PRKG1: variants seen among roughly 807,000 people sequenced by gnomAD.
PRKG1 encodes the protein cGMP-dependent protein kinase 1.
PRKG1 carries 35 observed loss-of-function variants against 88.1 expected under a neutral mutation model. That is an observed-to-expected ratio of 0.40 (90% CI 0.30 to 0.53). PRKG1 has a LOEUF of 0.53. Ranked by LOEUF, PRKG1 falls within the 20% of genes least tolerant of loss-of-function variation. The probability of loss-of-function intolerance (pLI) is 0.59; values close to 1 mark genes in which losing one functional copy is unlikely to be tolerated. For missense variants in PRKG1, 540 were observed against 839.8 expected (o/e 0.64, Z 4.41); for synonymous variants, 303 against 292.5 (o/e 1.04, Z -0.37).
intron 4 of PRKG1, among the ~76,000 whole-genome samples, chr10:51,818,290 A>G (rs1839645481): frequency 6.6e-6 from 1 of 152,190 alleles, no homozygotes; most frequent in Non-Finnish European, 1.5e-5. Context: ...ATAACAGTTC[A>G]TCCAGAGAGT....
intron 1 of PRKG1, among the ~76,000 whole-genome samples, chr10:51,069,390 T>A (rs1003982903): frequency 2.0e-5 from 3 of 152,038 alleles, no homozygotes; most frequent in Admixed American, 6.6e-5. Context: ...ATAAAACTAG[T>A]TCTATAGGAA....
At chr10:51,009,778 C>A (rs1842972937) in intron 1 of PRKG1, among the ~76,000 whole-genome samples, 5 of 152,134 alleles carry the variant, frequency 3.3e-5, no homozygotes. Context: ...TTTTGGACTT[C>A]TTGAAGATAT....
chr10:52,180,904 T>C (rs1839007370), intron 9 of PRKG1, among the ~76,000 whole-genome samples: 2 of 152,304 alleles, frequency 1.3e-5, no homozygotes, highest in African/African-American at 4.8e-5. Context: ...ATGGGGCTGT[T>C]TCTTAGTCCT....
chr10:51,970,050 A>ACACCCACC (rs983494491), intron 5 of PRKG1, among the ~76,000 whole-genome samples: 26 of 133,546 alleles, frequency 1.9e-4, no homozygotes, highest in Middle Eastern at 3.9e-3. Context: ...ACACACACAC[A>ACACCCACC]CCCATATTTA....
At chr10:52,181,196 A>G (rs929064902) in intron 9 of PRKG1, among the ~76,000 whole-genome samples, 15 of 152,028 alleles carry the variant, frequency 9.9e-5, no homozygotes, top group African/African-American at 3.1e-4. Context: ...GAATGTGTCT[A>G]TAAGTGGCAG....
chr10:52,136,680 G>A (rs141019161), intron 8 of PRKG1, among the ~76,000 whole-genome samples: 1 of 151,960 alleles, frequency 6.6e-6, no homozygotes, highest in Non-Finnish European at 1.5e-5. Context: ...AAATTGATTT[G>A]AAAATCAAAT....
intron 9 of PRKG1, among the ~76,000 whole-genome samples, chr10:52,183,334 C>T (rs147532539): frequency 2.0e-5 from 3 of 152,294 alleles, no homozygotes; most frequent in African/African-American, 7.2e-5. Flanking sequence ...TACAAAGGAA[C>T]TGTTTCTCAG....
intron 5 of PRKG1, among the ~76,000 whole-genome samples, chr10:52,017,948 T>G (rs1845083844): frequency 6.6e-6 from 1 of 152,180 alleles, no homozygotes; most frequent in African/African-American, 2.4e-5. Context: ...TGAACAACCC[T>G]ATAAACTACA....
intron 1 of PRKG1, among the ~76,000 whole-genome samples, chr10:50,993,740 AAGCCCTCCTTCCCAG>A (rs1564564952): frequency 6.6e-6 from 1 of 152,226 alleles, no homozygotes. Context: ...GACAGGAGAA[AAGCCCTCCTTCCCAG>A]AGTCCACTGT....
chr10:51,552,052 A>T (rs1364809735), intron 3 of PRKG1, among the ~76,000 whole-genome samples: 1 of 151,648 alleles, frequency 6.6e-6, no homozygotes, highest in Non-Finnish European at 1.5e-5. Context: ...TGACTTTGTA[A>T]ATAGTACTTA....
chr10:51,241,501 G>A (rs2132125207), intron 2 of PRKG1, among the ~76,000 whole-genome samples: 1 of 152,292 alleles, frequency 6.6e-6, no homozygotes, highest in Admixed American at 6.5e-5. Context: ...CCTGCTTTAA[G>A]TCAGTGAATT....
Position 51,613,616 on chromosome 10 carries a change from C to T in PRKG1, c.592+145780C>T, listed in dbSNP as rs528691119. Among the ~76,000 whole-genome samples the T allele has an allele frequency of 1.0e-3, 153 of 151,558 alleles. 3 individuals carry two copies. The South Asian group carries it at 0.021, about 21-fold the overall frequency. ...TTGAAATTTTTCTACTTTCTTGATT[C>T]AGCATTTATTTCTGTAATGTTCCCT... On this transcript the variant is annotated intron_variant, in intron 3 of 17. Coordinates refer to ENST00000373980, the MANE Select transcript of PRKG1 (RefSeq NM_006258.4).
At chr10:52,038,708 T>C (rs913636463) in intron 5 of PRKG1, among the ~76,000 whole-genome samples, 4 of 152,048 alleles carry the variant, frequency 2.6e-5, no homozygotes, top group African/African-American at 7.2e-5. Flanking sequence ...CCCTGCGTGG[T>C]CTGACACCTT....
At chr10:51,384,519 A>T (rs567856893) in intron 2 of PRKG1, among the ~76,000 whole-genome samples, 1 of 152,096 alleles carries the variant, frequency 6.6e-6, no homozygotes, top group Non-Finnish European at 1.5e-5. Flanking sequence ...AAATGTTTTT[A>T]TAGGGCCACA....
At chr10:51,184,578 T>A (rs187290172) in intron 2 of PRKG1, among the ~76,000 whole-genome samples, 1 of 152,222 alleles carries the variant, frequency 6.6e-6, no homozygotes, top group South Asian at 2.1e-4. Context: ...CATTTAGTAA[T>A]GGTTGTGGTG....
chr10:51,907,846 C>T (rs1271950684), intron 5 of PRKG1: 3 of 311,496 alleles, frequency 9.6e-6, no homozygotes, highest in Middle Eastern at 1.8e-3. Flanking sequence ...TAGGAACTGG[C>T]ATATTTCTCT....
At chr10:51,347,626 T>C (rs1842143340) in intron 2 of PRKG1, among the ~76,000 whole-genome samples, 1 of 152,172 alleles carries the variant, frequency 6.6e-6, no homozygotes, top group Non-Finnish European at 1.5e-5. Context: ...TGAACTTGTT[T>C]ACCCATGTCT....
chr10:51,979,140 G>A (rs1199195864), intron 5 of PRKG1, among the ~76,000 whole-genome samples: 1 of 151,842 alleles, frequency 6.6e-6, no homozygotes, highest in Non-Finnish European at 1.5e-5. Context: ...TTCCTTCAGT[G>A]CCTAGTTTAT....
At chr10:52,099,455 C>T (rs1000609848) in intron 7 of PRKG1, among the ~76,000 whole-genome samples, 2 of 152,162 alleles carry the variant, frequency 1.3e-5, no homozygotes, top group African/African-American at 4.8e-5. Context: ...GCATCATTCT[C>T]TAACTATGAA....
Sources: allele counts gnomAD v4.1 joint callset (sites outside exome capture counted in the v4.1 genomes callset), GRCh38; gene constraint gnomAD v4.1.1; transcripts MANE v1.5; gene names NCBI Gene and HGNC (gene_info 2026-07-23, HGNC 2026-07-21).